Variants in PRSS12 observed in about 807,000 individuals in gnomAD.
PRSS12 encodes neurotrypsin.
PRSS12 carries 85 observed loss-of-function variants against 104.4 expected under a neutral mutation model. That is an observed-to-expected ratio of 0.81 (90% CI 0.68 to 0.98). The LOEUF (loss-of-function observed/expected upper bound fraction) is 0.98. Among genes scored for constraint, PRSS12 ranks in the 50% least tolerant of loss-of-function variants. PRSS12 has a pLI of 0.00. For missense variants in PRSS12, 1,141 were observed against 1,139.2 expected, an observed-to-expected ratio of 1.00 and a Z score of -0.02; for synonymous variants, 454 against 425.2, an observed-to-expected ratio of 1.07 and a Z score of -0.83.
At chr4:118,334,758 A>C (rs1210450857) in intron 3 of PRSS12, among the ~76,000 whole-genome samples, 1 of 152,138 alleles carries the variant, frequency 6.6e-6, no homozygotes, top group East Asian at 1.9e-4. Context: ...AAGTCCTGGG[A>C]TATCTGGTCA....
chr4:118,301,351 A>G (rs1353360844), intron 8 of PRSS12, among the ~76,000 whole-genome samples: 1 of 152,188 alleles, frequency 6.6e-6, no homozygotes, highest in East Asian at 1.9e-4. Context: ...TCTCACATGA[A>G]TTAAAGTAGA....
chr4:118,320,676 C>A (rs535363988), intron 4 of PRSS12, among the ~76,000 whole-genome samples: 1 of 152,136 alleles, frequency 6.6e-6, no homozygotes, highest in South Asian at 2.1e-4. Flanking sequence ...TTGCTGGAAC[C>A]CAGGAAGTCA....
At chr4:118,331,585 T>C in intron 4 of PRSS12, 131 bp downstream of exon 4, 1 of 1,280,078 alleles carries the variant, frequency 7.8e-7, no homozygotes, top group Non-Finnish European at 1.1e-6. Flanking sequence ...ACAGCCCTAC[T>C]ACAAAGATCA....
chr4:118,295,114 G>A, intron 10 of PRSS12, 53 bp from the exon 11 acceptor site: 1 of 1,597,694 alleles, frequency 6.3e-7, no homozygotes, highest in Non-Finnish European at 8.5e-7. Context: ...AAAAAGCAAA[G>A]GAAAGCACTG....
chr4:118,316,123 A>T, intron 6 of PRSS12, 59 bp downstream of exon 6: 1 of 1,584,338 alleles, frequency 6.3e-7, no homozygotes, highest in Non-Finnish European at 8.7e-7. Flanking sequence ...GATTAACATA[A>T]TAAGACTTTT....
chr4:118,281,630 T>C lies in PRSS12; in HGVS notation c.*306A>G, dbSNP rs1434651770. The C allele has an allele frequency of 7.4e-6, 3 of 404,782 alleles. No individual in the cohort carries two copies. The highest frequency in any genetic ancestry group is 6.1e-5 in the African/African-American group (3 of 49,508). 25.1% of individuals were successfully genotyped at this position (404,782 alleles called of 1,614,324 possible). A position where few individuals can be genotyped will look rare whatever the true frequency, so the allele number is the denominator to read the frequency against. ...GGGGTTCTCAGTTCAAATGTAAAAA[T>C]GATCTTTTGTAAAATCAGCATAGAA... On this transcript the variant is annotated 3_prime_UTR_variant, in exon 13 of 13. Transcript: ENST00000296498.
rs1742805757 is a variant in PRSS12 at position 118,280,236 on chromosome 4, C to T, written c.*1700G>A. 1 of 152,206 alleles carries T rather than the reference C, an allele frequency of 6.6e-6. No individual in the cohort carries two copies. Among genetic ancestry groups the T allele is most frequent in the South Asian group, 2.1e-4 (1 of 4,832 alleles). 9.4% of individuals were successfully genotyped at this position (152,206 alleles called of 1,614,324 possible). On this transcript the variant is annotated 3_prime_UTR_variant, in exon 13 of 13. Transcript: ENST00000296498. ...TTGAAACAGATGTTGCTTGCCCCAA[C>T]ACTAGTTTAATTATAAGGGCAGCCT...
chr4:118,315,637 G>A (rs992053120), intron 6 of PRSS12, among the ~76,000 whole-genome samples: 13 of 152,174 alleles, frequency 8.5e-5, no homozygotes, highest in African/African-American at 3.1e-4. Flanking sequence ...AATGCATTAT[G>A]TGTGTGACAT....
rs569602578 is a variant in PRSS12, at chr4:118,280,663, T to C, written c.*1273A>G. ...AAGGATCCATGACATGGAAGTATCT[T>C]GAGTGTGCCTTTTAAATTTGAGCAT... On this transcript the variant is annotated 3_prime_UTR_variant, in exon 13 of 13. Coordinates refer to ENST00000296498, the MANE Select transcript of PRSS12 (RefSeq NM_003619.4). 31 of 152,378 alleles carry C rather than the reference T, an allele frequency of 2.0e-4. No individual in the cohort carries two copies. The highest frequency in any genetic ancestry group is 7.0e-4 in the African/African-American group (29 of 41,590). 9.4% of individuals were successfully genotyped at this position (152,378 alleles called of 1,614,324 possible). A position where few individuals can be genotyped will look rare whatever the true frequency, so the allele number is the denominator to read the frequency against.
chr4:118,347,211 G>T (rs1393711018), intron 1 of PRSS12, among the ~76,000 whole-genome samples: 1 of 152,162 alleles, frequency 6.6e-6, no homozygotes, highest in African/African-American at 2.4e-5. Flanking sequence ...ATCAAATCTG[G>T]TATTGCTAAT....
At chr4:118,303,423 A>C (rs1353128999) in intron 8 of PRSS12, 1 of 152,176 alleles carries the variant, frequency 6.6e-6, no homozygotes, top group Non-Finnish European at 1.5e-5. Flanking sequence ...TAGATATATC[A>C]ATAAGTAGAA....
chr4:118,338,080 A>G (rs929084705), intron 2 of PRSS12, 96 bp downstream of exon 2: 2 of 1,501,774 alleles, frequency 1.3e-6, no homozygotes, highest in African/African-American at 2.8e-5. Flanking sequence ...AGTGACAGTA[A>G]GAAACAAAGA....
chr4:118,285,956 T>C (rs1473912582), intron 11 of PRSS12, among the ~76,000 whole-genome samples: 2 of 152,186 alleles, frequency 1.3e-5, no homozygotes, highest in Non-Finnish European at 2.9e-5. Flanking sequence ...TTCCGCATTA[T>C]CTATAAAAAT....
chr4:118,314,814 TAAA>T (rs200042299), intron 6 of PRSS12, among the ~76,000 whole-genome samples: 7 of 151,864 alleles, frequency 4.6e-5, no homozygotes, highest in African/African-American at 1.7e-4. Context: ...TTTTCATTAA[TAAA>T]AAAATATGAA....
chr4:118,313,659 T>C (rs1330829730), intron 6 of PRSS12, among the ~76,000 whole-genome samples: 1 of 152,158 alleles, frequency 6.6e-6, no homozygotes, highest in Non-Finnish European at 1.5e-5. Context: ...TTGTGTTTTG[T>C]CTACAAAACC....
intron 1 of PRSS12, among the ~76,000 whole-genome samples, chr4:118,341,808 C>G (rs1210697009): frequency 6.6e-6 from 1 of 152,188 alleles, no homozygotes; most frequent in Non-Finnish European, 1.5e-5. Context: ...CTCCTAGTTC[C>G]CTGCCCTGGT....
chr4:118,286,817 A>G (rs1406219788), intron 11 of PRSS12, among the ~76,000 whole-genome samples: 1 of 152,190 alleles, frequency 6.6e-6, no homozygotes, highest in Non-Finnish European at 1.5e-5. Flanking sequence ...ATCCACCGTC[A>G]GACTTGGGAA....
At chr4:118,324,340 T>C (rs1404549947) in intron 4 of PRSS12, among the ~76,000 whole-genome samples, 1 of 152,024 alleles carries the variant, frequency 6.6e-6, no homozygotes, top group South Asian at 2.1e-4. Context: ...ACCTATCACA[T>C]TTTTGGAGAT....
chr4:118,321,944 G>A (rs1383331066), intron 4 of PRSS12, among the ~76,000 whole-genome samples: 3 of 152,016 alleles, frequency 2.0e-5, no homozygotes, highest in Non-Finnish European at 4.4e-5. Context: ...ATAAGGTAAC[G>A]GCCCAGAAGA....
Sources: allele counts gnomAD v4.1 joint callset (sites outside exome capture counted in the v4.1 genomes callset), GRCh38; gene constraint gnomAD v4.1.1; transcripts MANE v1.5; gene names NCBI Gene and HGNC (gene_info 2026-07-23, HGNC 2026-07-21).